Variants in ANKRD6 observed in about 807,000 individuals in gnomAD.
ANKRD6 encodes ankyrin repeat domain-containing protein 6.
In ANKRD6, 56 loss-of-function variants were observed where a neutral mutation model predicts 82.3. That is an observed-to-expected ratio of 0.68 (90% CI 0.55 to 0.85). The LOEUF is 0.85. Among genes scored for constraint, ANKRD6 ranks in the 40% least tolerant of loss-of-function variants. The pLI is 0.00. For missense variants in ANKRD6, 852 were observed against 907.6 expected (o/e 0.94, Z 0.79); for synonymous variants, 347 against 352.1 (o/e 0.99, Z 0.16).
At chr6:89,609,358 A>C (rs1410553678) in intron 5 of ANKRD6, among the ~76,000 whole-genome samples, 1 of 151,816 alleles carries the variant, frequency 6.6e-6, no homozygotes, top group Non-Finnish European at 1.5e-5. Context: ...CTGGAGTGCA[A>C]TGGCTCAATC....
intron 6 of ANKRD6, 141 bp from the exon 7 acceptor site, chr6:89,613,651 A>G (rs1800785050): frequency 1.3e-6 from 1 of 752,750 alleles, no homozygotes; most frequent in Non-Finnish European, 2.2e-6. Flanking sequence ...GGGGTGGAGC[A>G]TCTATGTTAA....
At chr6:89,434,730 C>T (rs369513402) in intron 1 of ANKRD6, among the ~76,000 whole-genome samples, 6 of 152,210 alleles carry the variant, frequency 3.9e-5, no homozygotes, top group Admixed American at 3.3e-4. Flanking sequence ...GGTCTGCAGC[C>T]TTGTTCTTGA....
At chr6:89,434,097 G>A (rs972389432) in intron 1 of ANKRD6, among the ~76,000 whole-genome samples, 1 of 152,202 alleles carries the variant, frequency 6.6e-6, no homozygotes, top group African/African-American at 2.4e-5. Flanking sequence ...CATGAGATGG[G>A]TCACGTGGTA....
intron 1 of ANKRD6, among the ~76,000 whole-genome samples, chr6:89,536,720 G>A (rs1783885792): frequency 6.6e-6 from 1 of 152,206 alleles, no homozygotes; most frequent in African/African-American, 2.4e-5. Context: ...ATATTATCTA[G>A]GGAGAACTTT....
Position 89,624,592 on chromosome 6 carries a change from G to T in ANKRD6, c.1272G>T (p.Gln424His), listed in dbSNP as rs780800543. ...CEPLINKLENQLEATVEEIKA... is the reference protein window; with the variant it reads ...CEPLINKLENHLEATVEEIKA... The stretch of plus-strand genomic sequence containing the variant: ...CTCTAATCAACAAGCTGGAGAATCA[G>T]TTGGAGGCTACTGTGGAGGAGATAA... The change falls in exon 13 of 16, where the codon CAG (glutamine) becomes CAT (histidine). Residue 424 changes from glutamine to histidine, a missense_variant. Physicochemically the swap from Gln to His is conservative, Grantham distance 24. Coordinates refer to ENST00000339746, the MANE Select transcript of ANKRD6 (RefSeq NM_001242809.2). The T allele has an allele frequency of 7.7e-6, 12 of 1,561,158 alleles. No individual in the cohort carries two copies. The Admixed American group carries it at 1.9e-4, about 25-fold the overall frequency.
chr6:89,572,836 G>A (rs1790247131), intron 2 of ANKRD6, among the ~76,000 whole-genome samples: 1 of 152,010 alleles, frequency 6.6e-6, no homozygotes, highest in Admixed American at 6.6e-5. Flanking sequence ...TATACATGAA[G>A]GTTTATTTCT....
At chr6:89,452,976 G>A (rs1297221541) in intron 1 of ANKRD6, among the ~76,000 whole-genome samples, 15 of 152,160 alleles carry the variant, frequency 9.9e-5, no homozygotes, top group Admixed American at 5.9e-4. Context: ...GAACTAGTCT[G>A]CGGCTCCCAT....
chr6:89,563,603 A>C (rs1447705011), intron 1 of ANKRD6, among the ~76,000 whole-genome samples: 4 of 152,216 alleles, frequency 2.6e-5, no homozygotes, highest in African/African-American at 9.6e-5. Context: ...CAGCCAAGGT[A>C]GCCAACAGGT....
intron 1 of ANKRD6, among the ~76,000 whole-genome samples, chr6:89,471,280 A>C (rs1582781967): frequency 1.4e-5 from 2 of 144,450 alleles, no homozygotes; most frequent in African/African-American, 5.1e-5. Flanking sequence ...TGAACTTGGG[A>C]GGTGGAGGTT....
At chr6:89,614,852 C>T (rs72913912) in intron 7 of ANKRD6, among the ~76,000 whole-genome samples, 2 of 118,172 alleles carry the variant, frequency 1.7e-5, no homozygotes, top group African/African-American at 6.4e-5. Flanking sequence ...AAAAAAAAAA[C>T]AAAAAAAAAA....
At chr6:89,467,428 T>C (rs1774973169) in intron 1 of ANKRD6, among the ~76,000 whole-genome samples, 1 of 152,246 alleles carries the variant, frequency 6.6e-6, no homozygotes, top group Admixed American at 6.5e-5. Flanking sequence ...TTCATCCTGA[T>C]TGGGTGTTAT....
intron 1 of ANKRD6, among the ~76,000 whole-genome samples, chr6:89,507,676 G>A (rs1321105742): frequency 6.6e-6 from 1 of 152,162 alleles, no homozygotes; most frequent in Admixed American, 6.5e-5. Context: ...CCTGAGAAGT[G>A]CCCTTGCTGA....
chr6:89,622,060 A>T (rs748568665), intron 10 of ANKRD6, 34 bp downstream of exon 10: 2 of 1,594,142 alleles, frequency 1.3e-6, no homozygotes, highest in Admixed American at 1.7e-5. Context: ...CCCCACATCC[A>T]CCCATGCTCA....
Position 89,627,708 on chromosome 6 carries a change from C to T in ANKRD6, c.1485+12C>T, listed in dbSNP as rs758922500. On this transcript the variant is annotated intron_variant, in intron 14 of 15. Transcript: ENST00000339746. ...GGGAGAAACGACAGGTAGGAACCAG[C>T]ATCTGCTAGTCCTTAACTTATGATT... 6.2e-7 allele frequency: 1 copy of T among 1,611,514 alleles called. No homozygotes were observed. The highest frequency in any genetic ancestry group is 1.3e-5 in the African/African-American group (1 of 75,014).
chr6:89,571,413 C>G (rs1163708836), intron 2 of ANKRD6, among the ~76,000 whole-genome samples: 4 of 152,006 alleles, frequency 2.6e-5, no homozygotes, highest in East Asian at 1.9e-4. Context: ...TATTAAATGT[C>G]TTTTTATATG....
chr6:89,622,631 T>G (rs1027743010), intron 10 of ANKRD6, among the ~76,000 whole-genome samples: 5 of 152,190 alleles, frequency 3.3e-5, no homozygotes, highest in African/African-American at 1.2e-4. Context: ...AGACCCACTG[T>G]GCACAGGGCA....
intron 1 of ANKRD6, among the ~76,000 whole-genome samples, chr6:89,514,300 C>T (rs191155964): frequency 9.9e-5 from 15 of 152,204 alleles, no homozygotes; most frequent in African/African-American, 2.9e-4. Context: ...ATCGCTTGAA[C>T]CTGGGGGGCG....
intron 1 of ANKRD6, among the ~76,000 whole-genome samples, chr6:89,522,570 T>C (rs1298463620): frequency 6.6e-6 from 1 of 152,214 alleles, no homozygotes; most frequent in Admixed American, 6.5e-5. Flanking sequence ...TTGGGAATTA[T>C]GTGCCAGCCC....
At chr6:89,488,864 C>G (rs1001615288) in intron 1 of ANKRD6, among the ~76,000 whole-genome samples, 1 of 111,738 alleles carries the variant, frequency 8.9e-6, no homozygotes, top group South Asian at 3.0e-4. Context: ...CAAAATATAT[C>G]GATCTATTCT....
Sources: gnomAD v4.1 joint callset for allele counts (sites outside exome capture counted in the v4.1 genomes callset) on GRCh38, gnomAD v4.1.1 for gene constraint, MANE v1.5 for transcripts, NCBI Gene and HGNC (gene_info 2026-07-23, HGNC 2026-07-21) for gene names.